Variants in LAMA1 observed in about 807,000 individuals in gnomAD.
LAMA1 encodes the protein laminin subunit alpha-1.
In LAMA1, 219 loss-of-function variants were observed where a neutral mutation model predicts 348.7. The observed-to-expected ratio is 0.63, with a 90% CI of 0.56 to 0.70. The LOEUF is 0.70. Ranked by LOEUF, LAMA1 falls within the 30% of genes least tolerant of loss-of-function variation. The pLI, the probability that LAMA1 is intolerant of heterozygous loss-of-function variation, is 0.00. For synonymous variants in LAMA1, 1,487 were observed against 1,491.0 expected (o/e 1.00, Z 0.06); for missense variants, 3,744 against 3,888.0 (o/e 0.96, Z 0.99).
chr18:6,970,654 C>T (rs2057653893), intron 48 of LAMA1, among the ~76,000 whole-genome samples: 1 of 149,918 alleles, frequency 6.7e-6, no homozygotes, highest in South Asian at 2.1e-4. Context: ...GATGGAGTTT[C>T]GCTCTGTCAC....
intron 12 of LAMA1, among the ~76,000 whole-genome samples, chr18:7,036,938 T>C (rs1253657453): frequency 6.6e-6 from 1 of 151,972 alleles, no homozygotes; most frequent in Non-Finnish European, 1.5e-5. Context: ...TTCGTATCAA[T>C]CAGAATCTGG....
rs368012390 is a variant in LAMA1 at position 6,961,958 on chromosome 18, C to A, written c.7439G>T (p.Gly2480Val). ...LLRNSYGVRK[G>V]CLLEPIRSVS... is the part of the protein sequence containing the mutation. ...AATGTTTCCTACCTCCAGTAAACAG[C>A]CTTTTCTCACTCCATAGGAATTTCT... The change falls in exon 52 of 63, where the codon GGC becomes GTC. Residue 2480 changes from glycine (G) to valine (V), a missense_variant. This residue lies in a region of LAMA1 where 1,983 missense variants were observed against 1,934.3 expected (regional missense o/e 1.03). Transcript: ENST00000389658. 7.4e-6 allele frequency: 12 copies of A among 1,613,604 alleles called. No individual in the cohort carries two copies. Among genetic ancestry groups the A allele is most frequent in the African/African-American group, 1.3e-5 (1 of 74,916 alleles).
At position 6,947,163 on chromosome 18, in the gene LAMA1, C is replaced by T. The variant is rs762699152; in HGVS notation, c.8844G>A (p.Lys2948=). The T allele has an allele frequency of 1.2e-6, 2 of 1,614,098 alleles. No homozygotes were observed. Among genetic ancestry groups the T allele is most frequent in the East Asian group, 2.2e-5 (1 of 44,882 alleles). The change falls in exon 61 of 63, where the codon AAG becomes AAA. Residue 2948 remains lysine, a splice_region_variant and synonymous_variant. Transcript: ENST00000389658. ...DAIGLELVDG[K]VLFHVNNGAG... ...ACCCTCATGGAGAGGAAGCACCCAC[C>T]TTGCCGTCCACAAGCTCTAGTCCAA...
intron 47 of LAMA1, among the ~76,000 whole-genome samples, chr18:6,972,753 G>C (rs141294992): frequency 6.6e-6 from 1 of 152,212 alleles, no homozygotes; most frequent in East Asian, 1.9e-4. Context: ...GCAATGGCGC[G>C]ATCTCAGCTC....
intron 1 of LAMA1, among the ~76,000 whole-genome samples, chr18:7,097,282 TA>T (rs941757912): frequency 2.0e-4 from 28 of 136,636 alleles, no homozygotes; most frequent in South Asian, 4.7e-4. Context: ...AAAAAAATAA[TA>T]AAAAAAAAAG....
intron 3 of LAMA1, among the ~76,000 whole-genome samples, chr18:7,052,705 C>T (rs997178516): frequency 6.6e-6 from 1 of 151,494 alleles, no homozygotes; most frequent in African/African-American, 2.4e-5. Flanking sequence ...CCAGCCTGGG[C>T]AACAAGAGAG....
intron 1 of LAMA1, among the ~76,000 whole-genome samples, chr18:7,106,173 G>A (rs2058310900): frequency 1.3e-5 from 2 of 152,186 alleles, no homozygotes; most frequent in South Asian, 4.1e-4. Flanking sequence ...TATGTACAGA[G>A]CACTAGTCTG....
At chr18:6,950,358 G>A (rs1160393137) in intron 58 of LAMA1, among the ~76,000 whole-genome samples, 1 of 152,180 alleles carries the variant, frequency 6.6e-6, no homozygotes, top group Non-Finnish European at 1.5e-5. Flanking sequence ...GCCACTCTTA[G>A]TGCATTTGCT....
At chr18:6,978,891 T>TA (rs2057695599) in intron 42 of LAMA1, among the ~76,000 whole-genome samples, 1 of 152,172 alleles carries the variant, frequency 6.6e-6, no homozygotes, top group African/African-American at 2.4e-5. Context: ...TATTTGCCCA[T>TA]AGCATCAACT....
intron 19 of LAMA1, among the ~76,000 whole-genome samples, chr18:7,019,330 G>A (rs1451187491): frequency 2.6e-5 from 4 of 152,090 alleles, no homozygotes; most frequent in East Asian, 1.9e-4. Context: ...TATTTGGGAC[G>A]CCCACTCTCC....
chr18:7,037,984 G>A (rs562973114), intron 11 of LAMA1, among the ~76,000 whole-genome samples: 1 of 152,182 alleles, frequency 6.6e-6, no homozygotes, highest in South Asian at 2.1e-4. Flanking sequence ...TCCAGTATAA[G>A]CAAATAAATG....
chr18:7,074,961 T>C (rs563893289), intron 3 of LAMA1, among the ~76,000 whole-genome samples: 40 of 32,996 alleles, frequency 1.2e-3, no homozygotes, highest in Non-Finnish European at 2.0e-3. Context: ...ACCTAATACA[T>C]AGAGGCAAAA....
chr18:7,093,231 A>C (rs2143804776), intron 1 of LAMA1, among the ~76,000 whole-genome samples: 1 of 152,250 alleles, frequency 6.6e-6, no homozygotes, highest in South Asian at 2.1e-4. Flanking sequence ...CCTGGCTAAC[A>C]CGGTGAAACC....
At chr18:7,109,434 C>G (rs890093065) in intron 1 of LAMA1, among the ~76,000 whole-genome samples, 4 of 152,168 alleles carry the variant, frequency 2.6e-5, no homozygotes, top group Non-Finnish European at 5.9e-5. Flanking sequence ...AAAAGAGGAC[C>G]GGATGGCAAC....
chr18:7,033,741 C>CTT (rs34533768), intron 14 of LAMA1, among the ~76,000 whole-genome samples: 12 of 149,130 alleles, frequency 8.0e-5, no homozygotes, highest in African/African-American at 1.5e-4. Flanking sequence ...ATGCATACAA[C>CTT]TTTTTTTTTT....
At chr18:7,030,213 T>C (rs2057962606) in intron 16 of LAMA1, among the ~76,000 whole-genome samples, 1 of 152,154 alleles carries the variant, frequency 6.6e-6, no homozygotes. Flanking sequence ...CTGCTCTCAA[T>C]GAGAGGGCAC....
chr18:7,039,879 AAG>A (rs1421407648), intron 10 of LAMA1, among the ~76,000 whole-genome samples, 195 bp downstream of exon 10: 3 of 152,200 alleles, frequency 2.0e-5, no homozygotes, highest in Non-Finnish European at 4.4e-5. Flanking sequence ...GGTACAAAAA[AAG>A]AAGCCAGATG....
rs776782542 is a variant in LAMA1 at position 6,955,450 on chromosome 18, C to T, written c.8110G>A (p.Asp2704Asn). Residue 2704 changes from aspartate (D) to asparagine (N), a missense_variant, in exon 57 of 63, where the codon GAT (aspartate) becomes AAT (asparagine). Asp to Asn is a conservative substitution (Grantham distance 23). This residue lies in a region of LAMA1 where 1,983 missense variants were observed against 1,934.3 expected (regional missense o/e 1.03). Transcript: ENST00000389658. ...CCGGGAACGTACTCCAGAGCTGCAT[C>T]CACCACACACTGTTCCTGTAAGAGA... ...PRAFPEQCVV[D>N]AALEYVPGAH... 3 of 1,613,938 alleles carry T rather than the reference C, an allele frequency of 1.9e-6. No homozygotes were observed. In the South Asian group the frequency reaches 3.3e-5, roughly 18 times the overall value.
chr18:6,955,841 C>G (rs1055149583), intron 56 of LAMA1: 28 of 361,980 alleles, frequency 7.7e-5, no homozygotes, highest in Non-Finnish European at 1.3e-4. Context: ...CCGAGACGAG[C>G]TGCGGACCAG....
Sources: gnomAD v4.1 joint callset for allele counts (sites outside exome capture counted in the v4.1 genomes callset) on GRCh38, gnomAD v4.1.1 for gene constraint, gnomAD v4.1.1 regional missense constraint, MANE v1.5 for transcripts, NCBI Gene and HGNC (gene_info 2026-07-23, HGNC 2026-07-21) for gene names.